Variants in RBMS3 observed in about 807,000 individuals in gnomAD.
The protein encoded by RBMS3 is RNA-binding motif, single-stranded-interacting protein 3.
A neutral mutation model predicts 66.8 loss-of-function variants in RBMS3; 27 were observed. That is an observed-to-expected ratio of 0.40 (90% CI 0.30 to 0.56). The LOEUF (loss-of-function observed/expected upper bound fraction) is 0.56, where lower values mean the gene tolerates loss of function less well. RBMS3 is among the 20% of genes least tolerant of loss of function. The pLI is 0.40. For missense variants in RBMS3, 513 were observed against 549.5 expected (o/e 0.93, Z 0.66); for synonymous variants, 188 against 183.0 (o/e 1.03, Z -0.22).
At chr3:29,876,227 GC>G (rs1438311215) in intron 7 of RBMS3, among the ~76,000 whole-genome samples, 1 of 152,042 alleles carries the variant, frequency 6.6e-6, no homozygotes, top group African/African-American at 2.4e-5. Context: ...TTTGGTTTGA[GC>G]CCACATCATC....
At chr3:29,900,425 G>A (rs1213586299) in intron 10 of RBMS3, among the ~76,000 whole-genome samples, 3 of 151,506 alleles carry the variant, frequency 2.0e-5, no homozygotes, top group African/African-American at 7.3e-5. Context: ...CCATTTTATG[G>A]CACAATATTA....
At chr3:29,426,882 G>A (rs2040980648) in intron 1 of RBMS3, among the ~76,000 whole-genome samples, 1 of 152,182 alleles carries the variant, frequency 6.6e-6, no homozygotes, top group Admixed American at 6.5e-5. Context: ...GCCAGGCCCT[G>A]TGCTAAACAT....
At chr3:29,379,486 A>G (rs1444985311) in intron 1 of RBMS3, among the ~76,000 whole-genome samples, 1 of 152,194 alleles carries the variant, frequency 6.6e-6, no homozygotes, top group Non-Finnish European at 1.5e-5. Flanking sequence ...ACAGTTCCAC[A>G]TGGCTGGGGA....
At chr3:29,672,538 AC>A (rs1407829115) in intron 4 of RBMS3, among the ~76,000 whole-genome samples, 1 of 152,186 alleles carries the variant, frequency 6.6e-6, no homozygotes, top group Non-Finnish European at 1.5e-5. Context: ...TATTCAGGAG[AC>A]CCATCTCATG....
chr3:29,664,800 T>C (rs923940974), intron 4 of RBMS3, among the ~76,000 whole-genome samples: 1 of 152,168 alleles, frequency 6.6e-6, no homozygotes, highest in African/African-American at 2.4e-5. Flanking sequence ...GGTTGAAGCA[T>C]AGTTTAGGAC....
rs116274932 is a variant in RBMS3, at chr3:29,979,146, C to T, written c.1099-8997C>T. ...AGACTGCCTCTAAAACAAAAAGAAA[C>T]GAGAAGGAAAGAAACAACAACAACA... On this transcript the variant is annotated intron_variant, in intron 12 of 14. Transcript: ENST00000383767. 2.4e-3 allele frequency among the ~76,000 whole-genome samples: 370 copies of T among 151,542 alleles called. 1 individual carries two copies. Among genetic ancestry groups the T allele is most frequent in the African/African-American group, 8.5e-3 (348 of 41,142 alleles).
chr3:29,903,778 A>T (rs2060310211), intron 10 of RBMS3, among the ~76,000 whole-genome samples: 1 of 151,972 alleles, frequency 6.6e-6, no homozygotes, highest in Admixed American at 6.6e-5. Flanking sequence ...TGGTTATCTA[A>T]TTACAGTATT....
Position 29,994,077 on chromosome 3 carries a change from G to A in RBMS3, c.1307+2868G>A, listed in dbSNP as rs377593537. On this transcript the variant is annotated intron_variant, in intron 14 of 14. Transcript: ENST00000383767. ...GCGCAGGTCAGTGGGTGCATGCACC[G>A]TGCGCAAGCCGAAGCAGGGCGAGGC... Among the ~76,000 whole-genome samples the A allele has an allele frequency of 3.3e-4, 50 of 152,274 alleles. No individual in the cohort carries two copies. In the South Asian group the frequency reaches 4.8e-3, roughly 15 times the overall value.
At chr3:29,734,617 T>C (rs2149341759) in intron 4 of RBMS3, among the ~76,000 whole-genome samples, 1 of 152,154 alleles carries the variant, frequency 6.6e-6, no homozygotes, top group African/African-American at 2.4e-5. Context: ...ACCCATAGGG[T>C]GTTCCATTAT....
chr3:29,726,743 G>A (rs202026559), intron 4 of RBMS3, among the ~76,000 whole-genome samples: 1 of 152,064 alleles, frequency 6.6e-6, no homozygotes, highest in East Asian at 1.9e-4. Context: ...ATGCTCATGG[G>A]TAGGAAGAAT....
chr3:29,556,339 C>G (rs1485927909), intron 3 of RBMS3: 1 of 152,310 alleles, frequency 6.6e-6, no homozygotes. Context: ...CGCGGTGGCT[C>G]ACGCCTGTAA....
chr3:29,948,920 G>A (rs1421724831), intron 12 of RBMS3, among the ~76,000 whole-genome samples: 4 of 151,664 alleles, frequency 2.6e-5, no homozygotes, highest in African/African-American at 9.7e-5. Context: ...AGGTTATAAA[G>A]AAATGTCATG....
intron 4 of RBMS3, among the ~76,000 whole-genome samples, chr3:29,670,575 C>T (rs1013320838): frequency 6.6e-6 from 1 of 152,194 alleles, no homozygotes; most frequent in Non-Finnish European, 1.5e-5. Flanking sequence ...TTCCAATGGT[C>T]TTAGCAAATG....
At chr3:29,465,075 G>T (rs569517297) in intron 2 of RBMS3, among the ~76,000 whole-genome samples, 1 of 152,224 alleles carries the variant, frequency 6.6e-6, no homozygotes, top group South Asian at 2.1e-4. Context: ...TAACAATAAA[G>T]ACATTAATTT....
intron 1 of RBMS3, among the ~76,000 whole-genome samples, chr3:29,384,957 G>GTA (rs973864280): frequency 2.6e-5 from 4 of 152,266 alleles, no homozygotes; most frequent in African/African-American, 9.6e-5. Context: ...GAGCAGAGAT[G>GTA]TATGATCTTA....
chr3:29,650,299 T>C (rs2050098456), intron 4 of RBMS3, among the ~76,000 whole-genome samples: 1 of 141,130 alleles, frequency 7.1e-6, no homozygotes, highest in Non-Finnish European at 1.6e-5. Context: ...TTTTTTTTTT[T>C]CTGAGACAGG....
intron 12 of RBMS3, among the ~76,000 whole-genome samples, chr3:29,977,920 A>T (rs1194401482): frequency 6.6e-6 from 1 of 151,934 alleles, no homozygotes; most frequent in South Asian, 2.1e-4. Flanking sequence ...AAAAAAAAAA[A>T]GCTTAAGAAT....
intron 6 of RBMS3, among the ~76,000 whole-genome samples, chr3:29,792,267 A>AT (rs2057038228): frequency 6.6e-6 from 1 of 152,198 alleles, no homozygotes; most frequent in Non-Finnish European, 1.5e-5. Context: ...ATTGTCATTC[A>AT]TTTTTTATTG....
In RBMS3 at chr3:29,944,283, G is replaced by T. The variant is rs759065610; in HGVS notation, c.1098+29G>T. ...GGAAAATTCTAATTCTTTTAAGACT[G>T]GATTGGAGGGGAGAGATGGAGGTTG... is the stretch of plus-strand genomic sequence containing the variant. On this transcript the variant is annotated intron_variant, in intron 12 of 14. Coordinates refer to ENST00000383767, the MANE Select transcript of RBMS3 (RefSeq NM_001003793.3). The T allele has an allele frequency of 1.9e-6, 3 of 1,539,670 alleles. No individual in the cohort carries two copies. In the South Asian group the frequency reaches 3.4e-5, roughly 17 times the overall value.
Sources: allele counts gnomAD v4.1 joint callset (sites outside exome capture counted in the v4.1 genomes callset), GRCh38; gene constraint gnomAD v4.1.1; transcripts MANE v1.5; gene names NCBI Gene and HGNC (gene_info 2026-07-23, HGNC 2026-07-21).